Variants in CADM2 observed in about 807,000 individuals in gnomAD.
The protein encoded by CADM2 is immunoglobulin superfamily member 4D.
CADM2 carries 12 observed loss-of-function variants against 49.8 expected under a neutral mutation model. The ratio of observed to expected loss-of-function variants is 0.24; its 90% CI spans 0.15 to 0.39. The LOEUF is 0.39. Among genes scored for constraint, CADM2 ranks in the 10% least tolerant of loss-of-function variants. The pLI, the probability that CADM2 is intolerant of heterozygous loss-of-function variation, is 1.00. For synonymous variants in CADM2, 214 were observed against 175.4 expected, an observed-to-expected ratio of 1.22 and a Z score of -1.74; for missense variants, 378 against 492.3, an observed-to-expected ratio of 0.77 and a Z score of 2.20.
intron 1 of CADM2, among the ~76,000 whole-genome samples, chr3:84,997,106 C>A (rs2033219086): frequency 6.6e-6 from 1 of 152,092 alleles, no homozygotes; most frequent in African/African-American, 2.4e-5. Flanking sequence ...CTTAAAAATT[C>A]TCTCTGTCTC....
At position 86,039,952 on chromosome 3, in the gene CADM2, T is replaced by C. The variant is rs575443831; in HGVS notation, c.971-25653T>C. Among the ~76,000 whole-genome samples the C allele has an allele frequency of 2.6e-3, 390 of 152,294 alleles. 1 individual carries two copies. The highest frequency in any genetic ancestry group is 4.2e-3 in the Non-Finnish European group (284 of 68,018). On this transcript the variant is annotated intron_variant, in intron 8 of 9. Transcript: ENST00000383699. ...ATATCCGCTGGTCTGCAGCCTCTGCTGCTGATACCCAGGCAAACAGGGTCT... is the reference window on the plus strand; with the variant it reads ...ATATCCGCTGGTCTGCAGCCTCTGCCGCTGATACCCAGGCAAACAGGGTCT...
intron 1 of CADM2, among the ~76,000 whole-genome samples, chr3:85,488,808 C>A (rs955698678): frequency 6.6e-6 from 1 of 152,098 alleles, no homozygotes; most frequent in South Asian, 2.1e-4. Context: ...GGATTACAGG[C>A]GTGAGCCACC....
At chr3:85,697,092 T>TATGCCATATATAC (rs2066586826) in intron 1 of CADM2, among the ~76,000 whole-genome samples, 2 of 134,178 alleles carry the variant, frequency 1.5e-5, no homozygotes, top group Admixed American at 7.5e-5. Context: ...GCCATATATA[T>TATGCCATATATAC]ATATGCCATA....
intron 1 of CADM2, among the ~76,000 whole-genome samples, chr3:85,125,374 TG>T (rs200924326): frequency 6.3e-4 from 95 of 151,374 alleles, no homozygotes; most frequent in African/African-American, 2.0e-3. Flanking sequence ...CTTAGATTTT[TG>T]TTTTTTTTTT....
rs1240908440 is a variant in CADM2 at position 85,628,526 on chromosome 3, CACACATATATAT to C, written c.62-97978_62-97967del. ...TCTCCCATATACATATATATATATA[CACACATATATAT>C]ACACATATATATACACACACATATA... On this transcript the variant is annotated intron_variant, in intron 1 of 9. Transcript: ENST00000383699. Among the ~76,000 whole-genome samples the C allele has an allele frequency of 7.9e-5, 10 of 126,048 alleles. No individual in the cohort carries two copies. The South Asian group carries it at 1.0e-3, about 13-fold the overall frequency. 82.7% of individuals were successfully genotyped at this position (126,048 alleles called of 152,430 possible). A position where few individuals can be genotyped will look rare whatever the true frequency, so the allele number is the denominator to read the frequency against.
chr3:85,085,744 CA>C, intron 1 of CADM2, among the ~76,000 whole-genome samples: 1 of 152,220 alleles, frequency 6.6e-6, no homozygotes, highest in African/African-American at 2.4e-5. Context: ...CTACACAAAG[CA>C]AAGGCAATAT....
chr3:85,217,865 T>A lies in CADM2; in HGVS notation c.61+258197T>A, dbSNP rs533002149. Among the ~76,000 whole-genome samples, 8 of 152,226 alleles carry A rather than the reference T, an allele frequency of 5.3e-5. No individual in the cohort carries two copies. In the South Asian group the frequency reaches 1.4e-3, roughly 28 times the overall value. On this transcript the variant is annotated intron_variant, in intron 1 of 9. Transcript: ENST00000383699. ...CTTAATCCATTTTTATAAGGCTTTT[T>A]AAATCAATGATAAGAAATTACACTT... is the stretch of plus-strand genomic sequence containing the variant.
chr3:85,708,676 A>T (rs922386440), intron 1 of CADM2, among the ~76,000 whole-genome samples: 5 of 152,194 alleles, frequency 3.3e-5, no homozygotes, highest in Non-Finnish European at 7.4e-5. Context: ...GAATCCACAA[A>T]TTAACCAAAG....
chr3:85,570,000 A>G (rs1576831222), intron 1 of CADM2, among the ~76,000 whole-genome samples: 1 of 152,254 alleles, frequency 6.6e-6, no homozygotes, highest in East Asian at 1.9e-4. Flanking sequence ...AACCTAGCTC[A>G]TTTTATATGA....
chr3:85,353,227 ACT>A (rs142661800), intron 1 of CADM2, among the ~76,000 whole-genome samples: 3,124 of 152,150 alleles, frequency 0.021, 82 homozygotes, highest in African/African-American at 0.063. Context: ...GAAGTCAGTG[ACT>A]CTTATAACTT....
chr3:85,855,641 T>TATATA (rs71112122), intron 3 of CADM2, among the ~76,000 whole-genome samples: 8 of 133,106 alleles, frequency 6.0e-5, no homozygotes, highest in Non-Finnish European at 8.1e-5. Flanking sequence ...TATATATATA[T>TATATA]TTTGAGACGG....
chr3:84,967,986 A>T (rs1316971582), intron 1 of CADM2, among the ~76,000 whole-genome samples: 1 of 152,080 alleles, frequency 6.6e-6, no homozygotes, highest in African/African-American at 2.4e-5. Context: ...TGCTAGGCTG[A>T]GTATTTCCCT....
intron 1 of CADM2, among the ~76,000 whole-genome samples, chr3:85,705,242 A>ATG (rs1158763036): frequency 2.0e-5 from 3 of 151,730 alleles, no homozygotes; most frequent in African/African-American, 7.2e-5. Flanking sequence ...AAAAAAAAAA[A>ATG]AAGAAATAAG....
At chr3:85,472,383 C>A (rs1219544809) in intron 1 of CADM2, among the ~76,000 whole-genome samples, 1 of 151,782 alleles carries the variant, frequency 6.6e-6, no homozygotes, top group Non-Finnish European at 1.5e-5. Context: ...GTTATTCATA[C>A]ACACACGCAC....
At chr3:85,898,433 C>T (rs1008017137) in intron 5 of CADM2, among the ~76,000 whole-genome samples, 7 of 152,088 alleles carry the variant, frequency 4.6e-5, no homozygotes, top group African/African-American at 1.7e-4. Flanking sequence ...TATATCCTTT[C>T]CAACACCTTC....
chr3:85,948,367 C>G (rs567936577), intron 7 of CADM2, among the ~76,000 whole-genome samples: 2 of 151,130 alleles, frequency 1.3e-5, no homozygotes, highest in South Asian at 4.2e-4. Flanking sequence ...GAACTAATAT[C>G]CCTCTAGTAG....
intron 3 of CADM2, among the ~76,000 whole-genome samples, chr3:85,836,769 A>G (rs2074427677): frequency 6.6e-6 from 1 of 151,616 alleles, no homozygotes; most frequent in Admixed American, 6.6e-5. Context: ...TGCCTCTTAC[A>G]TGAAACTAAG....
chr3:86,020,594 T>C (rs1733015618), intron 8 of CADM2, among the ~76,000 whole-genome samples: 1 of 151,570 alleles, frequency 6.6e-6, no homozygotes, highest in South Asian at 2.1e-4. Context: ...CTCAATAAAA[T>C]ACTGGCAAAA....
intron 1 of CADM2, among the ~76,000 whole-genome samples, chr3:85,388,271 G>A (rs1004508311): frequency 2.0e-5 from 3 of 152,112 alleles, no homozygotes; most frequent in Non-Finnish European, 4.4e-5. Flanking sequence ...ACTGTTTGTT[G>A]ATGATGGAGG....
Sources: allele counts gnomAD v4.1 joint callset (sites outside exome capture counted in the v4.1 genomes callset), GRCh38; gene constraint gnomAD v4.1.1; transcripts MANE v1.5; gene names NCBI Gene and HGNC (gene_info 2026-07-23, HGNC 2026-07-21).